CYTH4: variants seen among roughly 807,000 people sequenced by gnomAD.
CYTH4 encodes cytohesin 4, also known as cytohesin-4.
A neutral mutation model predicts 57.5 loss-of-function variants in CYTH4; 22 were observed. The ratio of observed to expected loss-of-function variants is 0.38; its 90% CI spans 0.27 to 0.55. The LOEUF is 0.55. Among genes scored for constraint, CYTH4 ranks in the 20% least tolerant of loss-of-function variants. The pLI, the probability that CYTH4 is intolerant of heterozygous loss-of-function variation, is 0.74. For missense variants in CYTH4, 420 were observed against 535.6 expected, an observed-to-expected ratio of 0.78 and a Z score of 2.13; for synonymous variants, 186 against 206.5, an observed-to-expected ratio of 0.90 and a Z score of 0.85.
chr22:37,296,245 C>G, intron 4 of CYTH4, 180 bp downstream of exon 4: 1 of 658,998 alleles, frequency 1.5e-6, no homozygotes, highest in Admixed American at 2.9e-5. Context: ...GCCCTGTCTA[C>G]TCCCAGGCAT....
chr22:37,311,304 G>A lies in CYTH4; in HGVS notation c.886-152G>A. 3 of 781,910 alleles carry A rather than the reference G, an allele frequency of 3.8e-6. No individual in the cohort carries two copies. The highest frequency in any genetic ancestry group is 5.3e-5 in the East Asian group (2 of 37,688). The allele number at this position is 781,910 out of a possible 1,614,324, so 48.4% of individuals were successfully genotyped here. ...AAGTTCCGGCCAGAGGTCTTCACAT[G>A]CTGCTTCTAACTTCCGTCCCCCTAT... On this transcript the variant is annotated intron_variant, in intron 10 of 12. Coordinates refer to ENST00000248901, the MANE Select transcript of CYTH4 (RefSeq NM_013385.5). The surrounding 1 kb of genome is among the most constrained non-coding windows in gnomAD (Gnocchi z 4.4).
chr22:37,289,094 A>G (rs1261627804), intron 1 of CYTH4, among the ~76,000 whole-genome samples: 1 of 152,310 alleles, frequency 6.6e-6, no homozygotes, highest in Non-Finnish European at 1.5e-5. Context: ...AAGGGGTTTC[A>G]TGGAATCAGT....
chr22:37,289,076 C>A (rs1211984679), intron 1 of CYTH4, among the ~76,000 whole-genome samples: 3 of 152,186 alleles, frequency 2.0e-5, no homozygotes, highest in Non-Finnish European at 4.4e-5. Context: ...TTGACTTTTG[C>A]AGAATAGAAG....
At chr22:37,302,808 G>A (rs569415937) in intron 7 of CYTH4, among the ~76,000 whole-genome samples, 71 of 152,296 alleles carry the variant, frequency 4.7e-4, no homozygotes, top group African/African-American at 1.4e-3. Flanking sequence ...CAGGAGGAAC[G>A]CCAGCAAGAT....
chr22:37,299,127 G>A (rs1165573798), intron 5 of CYTH4, 99 bp from the exon 6 acceptor site: 2 of 820,102 alleles, frequency 2.4e-6, no homozygotes, highest in African/African-American at 1.7e-5. Flanking sequence ...AAGGACAGAT[G>A]TCTCTGTCCT....
At chr22:37,299,701 C>CT (rs1227864969) in intron 6 of CYTH4, among the ~76,000 whole-genome samples, 1 of 152,194 alleles carries the variant, frequency 6.6e-6, no homozygotes, top group Non-Finnish European at 1.5e-5. Context: ...TTTTGGTACT[C>CT]ATTTTTACAA....
At chr22:37,285,881 G>T (rs569429224) in intron 1 of CYTH4, among the ~76,000 whole-genome samples, 1 of 152,176 alleles carries the variant, frequency 6.6e-6, no homozygotes, top group African/African-American at 2.4e-5. Flanking sequence ...CCCTCATGTG[G>T]GTTCAGATGC....
intron 9 of CYTH4, among the ~76,000 whole-genome samples, chr22:37,310,466 G>A (rs1358975235): frequency 6.6e-6 from 1 of 152,162 alleles, no homozygotes; most frequent in Non-Finnish European, 1.5e-5. Flanking sequence ...AGGACATTGG[G>A]GTTCGAATCC....
chr22:37,301,102 C>T (rs1271835065), intron 7 of CYTH4, 83 bp downstream of exon 7: 1 of 1,200,884 alleles, frequency 8.3e-7, no homozygotes, highest in Non-Finnish European at 1.2e-6. Flanking sequence ...CCTCAGGTTT[C>T]CCCCAGGTAC....
rs1364348747 is a variant in CYTH4, at chr22:37,311,901, C to T, written c.958-119C>T. On this transcript the variant is annotated intron_variant, in intron 11 of 12. Coordinates refer to ENST00000248901, the MANE Select transcript of CYTH4 (RefSeq NM_013385.5). The surrounding 1 kb of genome is among the most constrained non-coding windows in gnomAD (Gnocchi z 4.4). ...GTGGGAGCAGCAGCTCCTGCCCCTT[C>T]GCCTGTCGTAGGGCTGTCACGCTGA... 7.7e-6 allele frequency: 10 copies of T among 1,297,614 alleles called. No individual in the cohort carries two copies. The highest frequency in any genetic ancestry group is 7.3e-5 in the East Asian group (3 of 41,328). 80.4% of individuals were successfully genotyped at this position (1,297,614 alleles called of 1,614,324 possible). A position where few individuals can be genotyped will look rare whatever the true frequency, so the allele number is the denominator to read the frequency against.
At chr22:37,296,915 C>T (rs1023462947) in intron 4 of CYTH4, among the ~76,000 whole-genome samples, 1 of 152,228 alleles carries the variant, frequency 6.6e-6, no homozygotes, top group African/African-American at 2.4e-5. Context: ...CAGAGACCAA[C>T]CCCTCCAACT....
At chr22:37,310,867 G>A (rs1929612075) in intron 9 of CYTH4, 121 bp from the exon 10 acceptor site, 16 of 988,832 alleles carry the variant, frequency 1.6e-5, no homozygotes, top group South Asian at 5.8e-5. Flanking sequence ...TGTGGTGGAC[G>A]AAGTTTAGGG....
At position 37,311,126 on chromosome 22, in the gene CYTH4, A is replaced by T; in HGVS notation, c.885+62A>T. ...CCTCTCCCCGCACAACCCACTTCCC[A>T]ACTCCCACTGAGCAGTCGACTCACA... On this transcript the variant is annotated intron_variant, in intron 10 of 12. Transcript: ENST00000248901. This position sits in a 1 kb window ranked among gnomAD's most constrained non-coding sequence, Gnocchi z 4.4. 1.3e-6 allele frequency: 2 copies of T among 1,558,304 alleles called. No homozygotes were observed. The highest frequency in any genetic ancestry group is 3.4e-4 in the Middle Eastern group (2 of 5,966).
intron 1 of CYTH4, among the ~76,000 whole-genome samples, chr22:37,283,591 C>G (rs1928441647): frequency 6.6e-6 from 1 of 152,086 alleles, no homozygotes; most frequent in African/African-American, 2.4e-5. Flanking sequence ...AGCCTCGGGC[C>G]CCAGGGAACC....
chr22:37,309,370 C>T (rs768053765), intron 9 of CYTH4, 47 bp downstream of exon 9: 7 of 1,529,914 alleles, frequency 4.6e-6, no homozygotes, highest in South Asian at 1.1e-5. Flanking sequence ...CTCATGCACG[C>T]GCGGGCACAC....
chr22:37,310,911 G>A, intron 9 of CYTH4, 77 bp from the exon 10 acceptor site: 1 of 1,515,024 alleles, frequency 6.6e-7, no homozygotes, highest in Non-Finnish European at 9.1e-7. Flanking sequence ...AAGCATCCGA[G>A]GACCTGCCCT....
At chr22:37,305,088 C>T (rs960432006) in intron 8 of CYTH4, among the ~76,000 whole-genome samples, 8 of 152,138 alleles carry the variant, frequency 5.3e-5, no homozygotes, top group African/African-American at 1.9e-4. Flanking sequence ...TGGTGCTATG[C>T]GGGCACACCT....
chr22:37,308,620 G>T (rs894387882), intron 8 of CYTH4, among the ~76,000 whole-genome samples: 7 of 151,868 alleles, frequency 4.6e-5, no homozygotes, highest in African/African-American at 9.7e-5. Context: ...GTGTGCATAA[G>T]CATGCATGTC....
At chr22:37,293,476 C>T (rs946726474) in intron 2 of CYTH4, among the ~76,000 whole-genome samples, 4 of 152,244 alleles carry the variant, frequency 2.6e-5, no homozygotes, top group African/African-American at 9.6e-5. Context: ...ATCCCCAGCC[C>T]GCTGGGTGCA....
Sources: gnomAD v4.1 joint callset for allele counts (sites outside exome capture counted in the v4.1 genomes callset) on GRCh38, gnomAD v4.1.1 for gene constraint, Gnocchi (gnomAD v3.1) non-coding constraint, MANE v1.5 for transcripts, NCBI Gene and HGNC (gene_info 2026-07-23, HGNC 2026-07-21) for gene names.